The following KCNIP1 variants were observed in gnomAD, a reference collection of about 807,000 sequenced individuals.
The protein encoded by KCNIP1 is potassium voltage-gated channel interacting protein 1, also known as A-type potassium channel modulatory protein KCNIP1.
Under a neutral mutation model 33.0 loss-of-function variants are expected in KCNIP1, and 18 were observed. The ratio of observed to expected loss-of-function variants is 0.55; its 90% CI spans 0.38 to 0.81. The LOEUF (loss-of-function observed/expected upper bound fraction) is 0.81. Ranked by LOEUF, KCNIP1 falls within the 30% of genes least tolerant of loss-of-function variation. KCNIP1 has a pLI of 0.00. For missense variants in KCNIP1, 238 were observed against 271.6 expected, an observed-to-expected ratio of 0.88 and a Z score of 0.87; for synonymous variants, 93 against 98.3, an observed-to-expected ratio of 0.95 and a Z score of 0.32.
At chr5:170,531,968 ACTT>A (rs1040489818) in intron 1 of KCNIP1, among the ~76,000 whole-genome samples, 10 of 152,278 alleles carry the variant, frequency 6.6e-5, no homozygotes, top group African/African-American at 1.9e-4. Context: ...GCCTCTTTCA[ACTT>A]CTTCTCTCAC....
At chr5:170,457,763 T>C (rs1282802794) in intron 1 of KCNIP1, among the ~76,000 whole-genome samples, 1 of 152,154 alleles carries the variant, frequency 6.6e-6, no homozygotes, top group African/African-American at 2.4e-5. Context: ...AACCCAACTC[T>C]AGTAATATGA....
chr5:170,460,297 C>T (rs1440281686), intron 1 of KCNIP1, among the ~76,000 whole-genome samples: 3 of 152,042 alleles, frequency 2.0e-5, no homozygotes, highest in African/African-American at 7.2e-5. Flanking sequence ...GACACTATTC[C>T]ACAAGATAGA....
intron 5 of KCNIP1, among the ~76,000 whole-genome samples, chr5:170,729,324 G>C (rs1561787530): frequency 6.6e-6 from 1 of 151,954 alleles, no homozygotes; most frequent in Non-Finnish European, 1.5e-5. Flanking sequence ...TGACAAACTT[G>C]TTTTTAAAAA....
intron 1 of KCNIP1, among the ~76,000 whole-genome samples, chr5:170,542,037 G>T (rs1756229349): frequency 6.6e-6 from 1 of 152,150 alleles, no homozygotes; most frequent in Admixed American, 6.5e-5. Flanking sequence ...TTCTAAAGAG[G>T]TATCTCCATC....
At chr5:170,564,425 C>T (rs1757138529) in intron 1 of KCNIP1, among the ~76,000 whole-genome samples, 1 of 152,110 alleles carries the variant, frequency 6.6e-6, no homozygotes, top group Admixed American at 6.5e-5. Flanking sequence ...TTGGTTTTTC[C>T]AATCATCAAA....
chr5:170,488,314 C>T (rs1389519602), intron 1 of KCNIP1, among the ~76,000 whole-genome samples: 1 of 152,150 alleles, frequency 6.6e-6, no homozygotes, highest in African/African-American at 2.4e-5. Flanking sequence ...TAGGGCTTCT[C>T]GAAGGGCAGA....
intron 1 of KCNIP1, among the ~76,000 whole-genome samples, chr5:170,373,905 T>C (rs1462151250): frequency 6.6e-6 from 1 of 152,240 alleles, no homozygotes; most frequent in African/African-American, 2.4e-5. Context: ...CATGTCTCTC[T>C]GATCTTTCTT....
At chr5:170,402,408 A>AACAGGG (rs1376104219) in intron 1 of KCNIP1, among the ~76,000 whole-genome samples, 2 of 152,132 alleles carry the variant, frequency 1.3e-5, no homozygotes, top group Non-Finnish European at 2.9e-5. Context: ...ATTATACAAT[A>AACAGGG]ACAGGGCATT....
chr5:170,704,555 C>T (rs1168092643), intron 1 of KCNIP1, among the ~76,000 whole-genome samples: 1 of 152,142 alleles, frequency 6.6e-6, no homozygotes, highest in Non-Finnish European at 1.5e-5. Context: ...AGGGCCCTAG[C>T]GTGGACTCTT....
chr5:170,475,464 C>T (rs1369086883), intron 1 of KCNIP1, among the ~76,000 whole-genome samples: 2 of 152,126 alleles, frequency 1.3e-5, no homozygotes, highest in Non-Finnish European at 1.5e-5. Context: ...TGCTGCAGAC[C>T]CACTGAGAGG....
At chr5:170,598,390 G>A (rs896987043) in intron 1 of KCNIP1, among the ~76,000 whole-genome samples, 1 of 152,196 alleles carries the variant, frequency 6.6e-6, no homozygotes. Flanking sequence ...TCCATGTTTG[G>A]TGAATGCCCA....
chr5:170,357,940 A>G (rs771110587), intron 1 of KCNIP1, among the ~76,000 whole-genome samples: 4 of 152,214 alleles, frequency 2.6e-5, no homozygotes, highest in Non-Finnish European at 5.9e-5. Context: ...CCTGACTCCC[A>G]GAGCCAGGTC....
intron 1 of KCNIP1, among the ~76,000 whole-genome samples, chr5:170,450,664 A>C (rs1756227346): frequency 6.6e-6 from 1 of 152,078 alleles, no homozygotes; most frequent in East Asian, 1.9e-4. Context: ...AGAATTAAAG[A>C]TTTGACCCAG....
intron 1 of KCNIP1, among the ~76,000 whole-genome samples, chr5:170,565,522 A>G (rs1757175483): frequency 6.6e-6 from 1 of 152,184 alleles, no homozygotes; most frequent in Non-Finnish European, 1.5e-5. Context: ...CTAAACACTC[A>G]CAGTTTCTAT....
chr5:170,567,888 T>G (rs1166732804), intron 1 of KCNIP1, among the ~76,000 whole-genome samples: 1 of 152,118 alleles, frequency 6.6e-6, no homozygotes, highest in East Asian at 1.9e-4. Context: ...CAGAGGCTCA[T>G]TAAAGAGCTG....
intron 1 of KCNIP1, among the ~76,000 whole-genome samples, chr5:170,672,802 A>C (rs537886942): frequency 7.8e-4 from 119 of 152,386 alleles, no homozygotes; most frequent in Middle Eastern, 3.4e-3. Context: ...GGGTGTAGGA[A>C]GGCAAGCATT....
intron 1 of KCNIP1, among the ~76,000 whole-genome samples, chr5:170,431,719 C>T (rs78352707): frequency 0.072 from 10,890 of 152,298 alleles, 503 homozygotes; most frequent in Middle Eastern, 0.14. Flanking sequence ...AGGGTCTACA[C>T]GGGCTGAGCT....
At chr5:170,475,232 T>G (rs879612941) in intron 1 of KCNIP1, among the ~76,000 whole-genome samples, 2 of 152,248 alleles carry the variant, frequency 1.3e-5, no homozygotes, top group Non-Finnish European at 2.9e-5. Context: ...GAAGTCCAGC[T>G]GGCTTCACCT....
intron 1 of KCNIP1, among the ~76,000 whole-genome samples, chr5:170,407,948 A>T (rs1755079845): frequency 6.6e-6 from 1 of 152,138 alleles, no homozygotes; most frequent in Admixed American, 6.5e-5. Flanking sequence ...GCTTTGTTGA[A>T]GCACAACTTA....
Sources: gnomAD v4.1 joint callset for allele counts (sites outside exome capture counted in the v4.1 genomes callset) on GRCh38, gnomAD v4.1.1 for gene constraint, MANE v1.5 for transcripts, NCBI Gene and HGNC (gene_info 2026-07-23, HGNC 2026-07-21) for gene names.